Variants in SYNE1 observed in about 807,000 individuals in gnomAD.
The protein encoded by SYNE1 is spectrin repeat containing nuclear envelope protein 1.
Under a neutral mutation model 1,111.0 loss-of-function variants are expected in SYNE1, and 616 were observed. The ratio of observed to expected loss-of-function variants is 0.55; its 90% CI spans 0.52 to 0.59. SYNE1 has a LOEUF of 0.59. SYNE1 is among the 20% of genes least tolerant of loss of function. SYNE1 has a pLI of 0.00. For synonymous variants in SYNE1, 3,855 were observed against 3,825.8 expected (o/e 1.01, Z -0.28); for missense variants, 10,006 against 10,417.0 (o/e 0.96, Z 1.72).
At position 152,413,532 on chromosome 6, in the gene SYNE1, C is replaced by A; in HGVS notation, c.6051-1G>T. Reference sequence around the variant, plus strand: ...TTCTAGCTGATTAAACACTCTTAACCTGTGAATTAAAATGTTATTTTCCTA... The same window carrying A: ...TTCTAGCTGATTAAACACTCTTAACATGTGAATTAAAATGTTATTTTCCTA... On this transcript the variant is annotated splice_acceptor_variant, in intron 41 of 145. Coordinates refer to ENST00000367255, the MANE Select transcript of SYNE1 (RefSeq NM_182961.4). LOFTEE classifies it high-confidence loss of function. 1 of 1,613,750 alleles carries A rather than the reference C, an allele frequency of 6.2e-7. No homozygotes were observed. The highest frequency in any genetic ancestry group is 8.5e-7 in the Non-Finnish European group (1 of 1,179,724).
At chr6:152,458,495 CT>C (rs1370959059) in intron 22 of SYNE1, among the ~76,000 whole-genome samples, 2 of 152,164 alleles carry the variant, frequency 1.3e-5, no homozygotes, top group Non-Finnish European at 1.5e-5. Context: ...ACTCAGTGAA[CT>C]TACTGATTCA....
chr6:152,353,420 A>C lies in SYNE1; in HGVS notation c.11096T>G (p.Phe3699Cys). ...LLLQVLEQIKFLEEEIQSLEE... is the reference protein window; with the variant it reads ...LLLQVLEQIKCLEEEIQSLEE... ...CAAACTCTGAATCTCCTCCTCCAGG[A>C]ATTTTATTTGTTCCTATGAAAGAAA... The change falls in exon 69 of 146, where the codon TTC becomes TGC. Residue 3699 changes from phenylalanine to cysteine, a missense_variant. By Grantham distance (205) the Phe-to-Cys change is radical. Transcript: ENST00000367255. 4.3e-6 allele frequency: 7 copies of C among 1,614,234 alleles called. No homozygotes were observed. The highest frequency in any genetic ancestry group is 5.9e-6 in the Non-Finnish European group (7 of 1,180,044).
At chr6:152,231,220 A>G (rs577189562) in intron 114 of SYNE1, among the ~76,000 whole-genome samples, 171 bp downstream of exon 114, 1 of 152,352 alleles carries the variant, frequency 6.6e-6, no homozygotes, top group East Asian at 1.9e-4. Context: ...GTATAAGAGA[A>G]AATCATCAAC....
chr6:152,210,802 A>G (rs1369805302), intron 124 of SYNE1, among the ~76,000 whole-genome samples: 2 of 152,162 alleles, frequency 1.3e-5, no homozygotes, highest in Admixed American at 1.3e-4. Context: ...CATTTCTCAT[A>G]CCATAAATCT....
intron 4 of SYNE1, among the ~76,000 whole-genome samples, 159 bp downstream of exon 4, chr6:152,539,801 A>G (rs1026717940): frequency 6.6e-6 from 1 of 152,188 alleles, no homozygotes; most frequent in African/African-American, 2.4e-5. Context: ...AATGTTAGCA[A>G]ATTCCACTCT....
chr6:152,399,050 A>G (rs1171907992), intron 48 of SYNE1, among the ~76,000 whole-genome samples: 2 of 152,196 alleles, frequency 1.3e-5, no homozygotes, highest in Admixed American at 6.5e-5. Context: ...ATATGTAAAA[A>G]GTGCAAGGAG....
chr6:152,371,920 A>C (rs4989385), intron 59 of SYNE1, among the ~76,000 whole-genome samples: 555 of 48,322 alleles, frequency 0.011, 11 homozygotes, highest in African/African-American at 0.033. Flanking sequence ...AAGGAAAGGA[A>C]AGGACAGGAC....
At chr6:152,195,893 C>T (rs1444026542) in intron 127 of SYNE1, among the ~76,000 whole-genome samples, 1 of 150,946 alleles carries the variant, frequency 6.6e-6, no homozygotes, top group Non-Finnish European at 1.5e-5. Context: ...TCCCCCTGGC[C>T]CCAGGTGGTC....
At chr6:152,421,809 G>C (rs573540904) in intron 39 of SYNE1, among the ~76,000 whole-genome samples, 5 of 151,886 alleles carry the variant, frequency 3.3e-5, no homozygotes, top group Non-Finnish European at 7.4e-5. Flanking sequence ...AGATTCAAGA[G>C]ATTCTCCTGC....
chr6:152,511,517 G>A (rs2099084831), intron 6 of SYNE1: 2 of 1,533,684 alleles, frequency 1.3e-6, no homozygotes, highest in Non-Finnish European at 1.8e-6. Flanking sequence ...GGTAACTTAT[G>A]TTCCCTTTTA....
intron 140 of SYNE1, among the ~76,000 whole-genome samples, chr6:152,137,801 C>T (rs2813567): frequency 6.6e-6 from 1 of 152,006 alleles, no homozygotes; most frequent in Non-Finnish European, 1.5e-5. Context: ...ACACAGACAA[C>T]ATGGGTTTAA....
Position 152,615,467 on chromosome 6 carries a change from T to C in SYNE1, c.67+12798A>G, listed in dbSNP as rs1205643872. On this transcript the variant is annotated intron_variant, in intron 3 of 145. Transcript: ENST00000367255. ...CACAAAGTAACAGGAGAACAAAATA[T>C]ACAAAACTTTCAAATATATCAGAAA... Among the ~76,000 whole-genome samples the C allele has an allele frequency of 2.0e-5, 3 of 152,206 alleles. No individual in the cohort carries two copies. In the East Asian group the frequency reaches 5.8e-4, roughly 29 times the overall value.
intron 127 of SYNE1, among the ~76,000 whole-genome samples, chr6:152,196,169 A>G (rs898462096): frequency 6.6e-6 from 1 of 152,198 alleles, no homozygotes; most frequent in South Asian, 2.1e-4. Flanking sequence ...CTTACCCTTC[A>G]GGGGAGTGGG....
At position 152,429,766 on chromosome 6, in the gene SYNE1, C is replaced by G. The variant is rs116476957; in HGVS notation, c.4788+346G>C. On this transcript the variant is annotated intron_variant, in intron 36 of 145. Transcript: ENST00000367255. Reference sequence around the variant, plus strand: ...ACAGTGGGTTAAAATATGAAGACAGCTATACACATATATTTTTCCTTGCAC... The same window carrying G: ...ACAGTGGGTTAAAATATGAAGACAGGTATACACATATATTTTTCCTTGCAC... Among the ~76,000 whole-genome samples the G allele has an allele frequency of 5.5e-3, 841 of 152,222 alleles. 4 individuals carry two copies. Among genetic ancestry groups the G allele is most frequent in the African/African-American group, 0.02 (816 of 41,556 alleles).
rs3215782 is a variant in SYNE1 at position 152,176,014 on chromosome 6, ATTTTT to A, written c.23627+375_23627+379del. Reference sequence around the variant, plus strand: ...CTAAAAATATGGCAGAGATTTAGTAATTTTTTTTTTTTTTTTTTGCTACTGCAGAC... The same window carrying A: ...CTAAAAATATGGCAGAGATTTAGTAATTTTTTTTTTTTTGCTACTGCAGAC... On this transcript the variant is annotated intron_variant, in intron 130 of 145. Transcript: ENST00000367255. 4.9e-3 allele frequency among the ~76,000 whole-genome samples: 693 copies of A among 142,614 alleles called. 7 individuals are homozygous for A. The highest frequency in any genetic ancestry group is 0.015 in the African/African-American group (589 of 39,310). The allele number at this position is 142,614 out of a possible 152,430, so 93.6% of individuals were successfully genotyped here.
At chr6:152,591,415 C>A (rs773158057) in intron 3 of SYNE1, among the ~76,000 whole-genome samples, 12 of 152,154 alleles carry the variant, frequency 7.9e-5, no homozygotes, top group Non-Finnish European at 1.3e-4. Flanking sequence ...GGGAAAAGGA[C>A]TTCCTATTCA....
At chr6:152,461,796 C>A (rs2098735609) in intron 20 of SYNE1, 56 bp from the exon 21 acceptor site, 3 of 1,611,378 alleles carry the variant, frequency 1.9e-6, no homozygotes, top group Admixed American at 3.3e-5. Flanking sequence ...CTCTTAACTT[C>A]CGGATTCCAC....
chr6:152,396,311 C>A (rs1409532722), intron 50 of SYNE1, among the ~76,000 whole-genome samples: 1 of 152,232 alleles, frequency 6.6e-6, no homozygotes, highest in Non-Finnish European at 1.5e-5. Flanking sequence ...ATTCTACTGA[C>A]ATCTTTTCTC....
At chr6:152,357,601 T>G (rs1181487492) in intron 66 of SYNE1, among the ~76,000 whole-genome samples, 3 of 152,208 alleles carry the variant, frequency 2.0e-5, no homozygotes, top group African/African-American at 7.2e-5. Context: ...GGGCCCTTCT[T>G]TGATGCTACC....
Sources: allele counts gnomAD v4.1 joint callset (sites outside exome capture counted in the v4.1 genomes callset), GRCh38; gene constraint gnomAD v4.1.1; transcripts MANE v1.5; gene names NCBI Gene and HGNC (gene_info 2026-07-23, HGNC 2026-07-21).